Variants in ARHGAP21 observed in about 807,000 individuals in gnomAD.
ARHGAP21 encodes rho GTPase-activating protein 21.
A neutral mutation model predicts 164.6 loss-of-function variants in ARHGAP21; 38 were observed. The ratio of observed to expected loss-of-function variants is 0.23; its 90% confidence interval spans 0.18 to 0.30. ARHGAP21 has a LOEUF of 0.30. Among genes scored for constraint, ARHGAP21 ranks in the 10% least tolerant of loss-of-function variants. ARHGAP21 has a pLI of 1.00. For synonymous variants in ARHGAP21, 766 were observed against 857.9 expected, an observed-to-expected ratio of 0.89 and a Z score of 1.87; for missense variants, 1,822 against 2,370.7, an observed-to-expected ratio of 0.77 and a Z score of 4.81.
At chr10:24,625,779 A>C (rs1216008594) in intron 7 of ARHGAP21, among the ~76,000 whole-genome samples, 1 of 152,246 alleles carries the variant, frequency 6.6e-6, no homozygotes, top group African/African-American at 2.4e-5. Flanking sequence ...AATAAACTTC[A>C]AGAAAAACTT....
At chr10:24,674,844 G>T (rs1841059613) in intron 2 of ARHGAP21, among the ~76,000 whole-genome samples, 1 of 151,936 alleles carries the variant, frequency 6.6e-6, no homozygotes, top group Non-Finnish European at 1.5e-5. Flanking sequence ...AATATATAAA[G>T]AACTCTCAAA....
intron 2 of ARHGAP21, among the ~76,000 whole-genome samples, chr10:24,683,937 C>G (rs571640766): frequency 9.2e-5 from 14 of 152,256 alleles, no homozygotes; most frequent in African/African-American, 3.4e-4. Flanking sequence ...AATAAAAATA[C>G]TTTATAAAGT....
intron 7 of ARHGAP21, chr10:24,629,208 T>C (rs557764913): frequency 1.3e-5 from 2 of 150,790 alleles, no homozygotes; most frequent in East Asian, 2.0e-4. Flanking sequence ...TTTCACCACA[T>C]TGGCCAGGCT....
intron 4 of ARHGAP21, among the ~76,000 whole-genome samples, chr10:24,639,578 A>T (rs1305022845): frequency 4.6e-5 from 7 of 152,196 alleles, no homozygotes; most frequent in Non-Finnish European, 1.0e-4. Context: ...TACTGGTTGA[A>T]AGGACACTCA....
chr10:24,595,272 T>C (rs1357718871), intron 19 of ARHGAP21, 82 bp from the exon 20 acceptor site: 1 of 1,175,066 alleles, frequency 8.5e-7, no homozygotes, highest in Non-Finnish European at 1.2e-6. Flanking sequence ...GGATCAATTT[T>C]AAACCACAAC....
chr10:24,686,571 G>A (rs2131951937), intron 2 of ARHGAP21, among the ~76,000 whole-genome samples: 1 of 152,146 alleles, frequency 6.6e-6, no homozygotes, highest in East Asian at 1.9e-4. Flanking sequence ...AATGGCATGA[G>A]AAAATGCCCA....
At chr10:24,647,033 C>T (rs1837640634) in intron 4 of ARHGAP21, among the ~76,000 whole-genome samples, 1 of 152,176 alleles carries the variant, frequency 6.6e-6, no homozygotes, top group Non-Finnish European at 1.5e-5. Flanking sequence ...CCTATCTATT[C>T]AGTGTCTCCA....
At chr10:24,601,094 T>C (rs1252391521) in intron 13 of ARHGAP21, among the ~76,000 whole-genome samples, 164 bp from the exon 14 acceptor site, 1 of 152,128 alleles carries the variant, frequency 6.6e-6, no homozygotes, top group Non-Finnish European at 1.5e-5. Context: ...AGGATAAAAA[T>C]TGTGGAGCAT....
intron 9 of ARHGAP21, among the ~76,000 whole-genome samples, chr10:24,615,233 T>C (rs2077428356): frequency 1.3e-5 from 2 of 152,106 alleles, no homozygotes; most frequent in African/African-American, 4.8e-5. Flanking sequence ...AAAGAAAAGA[T>C]AAAAGAGCAT....
At chr10:24,697,668 C>T (rs1843288444) in intron 2 of ARHGAP21, among the ~76,000 whole-genome samples, 1 of 152,090 alleles carries the variant, frequency 6.6e-6, no homozygotes, top group Non-Finnish European at 1.5e-5. Flanking sequence ...ACCAGCCTGG[C>T]CAACACGGTG....
rs192704606 is a variant in ARHGAP21 at position 24,584,056 on chromosome 10, A to G, written c.*356T>C. The G allele has an allele frequency of 1.3e-5, 2 of 153,394 alleles. No homozygotes were observed. The highest frequency in any genetic ancestry group is 1.3e-4 in the Admixed American group (2 of 15,308). The allele number at this position is 153,394 out of a possible 1,614,324, so 9.5% of individuals were successfully genotyped here. On this transcript the variant is annotated 3_prime_UTR_variant, in exon 26 of 26. Transcript: ENST00000396432. The stretch of plus-strand genomic sequence containing the variant: ...TAACAATATGGCACCCTAAAAACCA[A>G]CTGTATTTTTATGATGAGGCACTTT...
intron 7 of ARHGAP21, among the ~76,000 whole-genome samples, chr10:24,625,997 C>A (rs189694394): frequency 6.6e-6 from 1 of 152,098 alleles, no homozygotes; most frequent in Non-Finnish European, 1.5e-5. Flanking sequence ...CAGACCCGCC[C>A]GAGTTCAAAT....
chr10:24,692,853 TA>T (rs78606293), intron 2 of ARHGAP21, among the ~76,000 whole-genome samples: 59 of 140,892 alleles, frequency 4.2e-4, no homozygotes, highest in African/African-American at 1.1e-3. Flanking sequence ...ATAAAAAAAT[TA>T]AAAAAAAAAA....
At chr10:24,613,337 C>T (rs1312136698) in intron 9 of ARHGAP21, among the ~76,000 whole-genome samples, 1 of 152,110 alleles carries the variant, frequency 6.6e-6, no homozygotes, top group Non-Finnish European at 1.5e-5. Flanking sequence ...AATTTTGAAG[C>T]AATAAGTCCT....
At chr10:24,644,871 A>G (rs186178810) in intron 4 of ARHGAP21, among the ~76,000 whole-genome samples, 1 of 152,280 alleles carries the variant, frequency 6.6e-6, no homozygotes, top group East Asian at 1.9e-4. Context: ...TGACTGTCAA[A>G]TCTATTTTCA....
intron 2 of ARHGAP21, among the ~76,000 whole-genome samples, chr10:24,690,725 C>T (rs1032760328): frequency 3.3e-5 from 5 of 151,494 alleles, no homozygotes; most frequent in South Asian, 2.1e-4. Context: ...CTACTCAGGA[C>T]GCTGAGGCAA....
intron 4 of ARHGAP21, among the ~76,000 whole-genome samples, chr10:24,655,978 C>A (rs1408596368): frequency 7.8e-6 from 1 of 127,930 alleles, no homozygotes; most frequent in African/African-American, 3.2e-5. Flanking sequence ...CTCTGCCTGG[C>A]AACCACCCCG....
At chr10:24,651,807 C>T (rs1838191887) in intron 4 of ARHGAP21, among the ~76,000 whole-genome samples, 1 of 152,148 alleles carries the variant, frequency 6.6e-6, no homozygotes. Context: ...TCAAAAGATT[C>T]CATATTTCAA....
intron 2 of ARHGAP21, among the ~76,000 whole-genome samples, chr10:24,721,047 T>C (rs1293066576): frequency 6.6e-6 from 1 of 151,450 alleles, no homozygotes; most frequent in African/African-American, 2.4e-5. Context: ...TAAATCAATG[T>C]ATTTTCTATG....
Sources: gnomAD v4.1 joint callset for allele counts (sites outside exome capture counted in the v4.1 genomes callset) on GRCh38, gnomAD v4.1.1 for gene constraint, MANE v1.5 for transcripts, NCBI Gene and HGNC (gene_info 2026-07-23, HGNC 2026-07-21) for gene names.